JAKMIP3: variants seen among roughly 807,000 people sequenced by gnomAD.
The protein encoded by JAKMIP3 is janus kinase and microtubule-interacting protein 3.
A neutral mutation model predicts 118.5 loss-of-function variants in JAKMIP3; 58 were observed. The observed-to-expected ratio is 0.49, with a 90% confidence interval of 0.40 to 0.61. JAKMIP3 has a LOEUF of 0.61. Among genes scored for constraint, JAKMIP3 ranks in the 20% least tolerant of loss-of-function variants. The probability of loss-of-function intolerance (pLI) is 0.00; values close to 1 mark genes in which losing one functional copy is unlikely to be tolerated. For synonymous variants in JAKMIP3, 486 were observed against 451.2 expected (o/e 1.08, Z -0.98); for missense variants, 950 against 1,109.0 (o/e 0.86, Z 2.04).
chr10:132,115,656 A>G (rs2047533845), intron 2 of JAKMIP3, among the ~76,000 whole-genome samples: 1 of 152,250 alleles, frequency 6.6e-6, no homozygotes, highest in Admixed American at 6.5e-5. Flanking sequence ...GTCTCCAAAG[A>G]GGACCCCAAA....
At chr10:132,109,186 C>T (rs2046459536) in intron 2 of JAKMIP3, among the ~76,000 whole-genome samples, 1 of 151,818 alleles carries the variant, frequency 6.6e-6, no homozygotes, top group Admixed American at 6.6e-5. Context: ...CATGGTGGCA[C>T]TCACCTGTAG....
At chr10:132,084,916 T>C (rs2042193988) in intron 1 of JAKMIP3, among the ~76,000 whole-genome samples, 1 of 152,242 alleles carries the variant, frequency 6.6e-6, no homozygotes, top group Non-Finnish European at 1.5e-5. Flanking sequence ...GCATTCCTGG[T>C]TTGAAACTTA....
upstream of JAKMIP3, among the ~76,000 whole-genome samples, chr10:132,064,959 G>A (rs1005483152): frequency 1.1e-4 from 16 of 152,288 alleles, no homozygotes; most frequent in East Asian, 1.5e-3. This position sits in a 1 kb window ranked among gnomAD's most constrained non-coding sequence, Gnocchi z 4.4. Flanking sequence ...GGGTGCAGGC[G>A]AGGGAACTGA....
intron 2 of JAKMIP3, among the ~76,000 whole-genome samples, chr10:132,115,158 A>C (rs756862165): frequency 6.6e-6 from 1 of 152,144 alleles, no homozygotes; most frequent in Non-Finnish European, 1.5e-5. Context: ...TGTTCATACT[A>C]CACAGCTCTG....
At chr10:132,052,417 T>C (rs947620499) in intron 1 of JAKMIP3, among the ~76,000 whole-genome samples, 2 of 152,220 alleles carry the variant, frequency 1.3e-5, no homozygotes, top group Non-Finnish European at 2.9e-5. Flanking sequence ...TTTTGACTTA[T>C]TTTGAATCTT....
At chr10:132,062,222 G>C (rs1323097529), upstream of JAKMIP3, among the ~76,000 whole-genome samples, 2 of 152,234 alleles carry the variant, frequency 1.3e-5, no homozygotes, top group Non-Finnish European at 2.9e-5. Flanking sequence ...AATCCTCTCT[G>C]CCCCTCAGAC....
chr10:132,089,102 T>C (rs1238140734), intron 1 of JAKMIP3, among the ~76,000 whole-genome samples: 2 of 152,202 alleles, frequency 1.3e-5, no homozygotes, highest in Admixed American at 1.3e-4. Context: ...GCTGTTTTGG[T>C]TACTCTAGCC....
rs187830384 is a variant in JAKMIP3, at chr10:132,117,049, C to T, written c.136-28C>T. 4.2e-5 allele frequency: 67 copies of T among 1,581,538 alleles called. No homozygotes were observed. The African/African-American group carries it at 5.5e-4, about 13-fold the overall frequency. On this transcript the variant is annotated intron_variant, in intron 2 of 23. Transcript: ENST00000684848. This position sits in a 1 kb window ranked among gnomAD's most constrained non-coding sequence, Gnocchi z 8.6. ...GTGTGTGCATGGCTGGAGCTCCTGC[C>T]ACACTCAGTCTCGCTGTTGTCTTTC...
rs566627946 is a variant in JAKMIP3, at chr10:132,118,105, G to A, written c.633+531G>A. On this transcript the variant is annotated intron_variant, in intron 3 of 23. Transcript: ENST00000684848. The surrounding 1 kb of genome is among the most constrained non-coding windows in gnomAD (Gnocchi z 4.8). Reference sequence around the variant, plus strand: ...ATCAGGAGGCCCCGGGGGGTGGGATGGCCCCCAGCTGCCCTGAGGTCCCTG... The same window carrying A: ...ATCAGGAGGCCCCGGGGGGTGGGATAGCCCCCAGCTGCCCTGAGGTCCCTG... 2.6e-5 allele frequency among the ~76,000 whole-genome samples: 4 copies of A among 152,260 alleles called. No individual in the cohort carries two copies. Among genetic ancestry groups the A allele is most frequent in the African/African-American group, 9.6e-5 (4 of 41,550 alleles).
At chr10:132,074,116 A>G (rs1426125808) in intron 1 of JAKMIP3, among the ~76,000 whole-genome samples, 2 of 152,158 alleles carry the variant, frequency 1.3e-5, no homozygotes, top group African/African-American at 4.8e-5. Flanking sequence ...CAGTGGCACA[A>G]TCTCGGCTCA....
At chr10:132,071,465 A>C (rs1340864128) in intron 1 of JAKMIP3, among the ~76,000 whole-genome samples, 1 of 152,108 alleles carries the variant, frequency 6.6e-6, no homozygotes, top group South Asian at 2.1e-4. Context: ...TGTCCTTACA[A>C]ATTTTCTCTT....
In JAKMIP3 at chr10:132,141,968, G is replaced by A; in HGVS notation, c.1522G>A (p.Glu508Lys). ...TELRFRQLTM[E>K]YQALQRAYAL... ...GCTGAGGTTCCGGCAGCTGACCATG[G>A]AGTACCAGGCCCTGCAGCGTGCCTA... Residue 508 changes from glutamate (E) to lysine (K), a missense_variant, in exon 11 of 24, where the codon GAG becomes AAG. Coordinates refer to ENST00000684848, the MANE Select transcript of JAKMIP3 (RefSeq NM_001323087.2). 6.2e-7 allele frequency: 1 copy of A among 1,600,022 alleles called. No homozygotes were observed. The highest frequency in any genetic ancestry group is 8.5e-7 in the Non-Finnish European group (1 of 1,173,704).
intron 19 of JAKMIP3, among the ~76,000 whole-genome samples, chr10:132,161,859 G>T (rs1290715750): frequency 1.2e-5 from 1 of 86,508 alleles, no homozygotes; most frequent in Non-Finnish European, 2.5e-5. Flanking sequence ...TTTCTTGGGT[G>T]ATGCTGGGGG....
At chr10:132,149,663 CGCCCCACCCCCTCCCT>C (rs1395787978) in intron 15 of JAKMIP3, among the ~76,000 whole-genome samples, 153 bp downstream of exon 15, 2 of 12,602 alleles carry the variant, frequency 1.6e-4, no homozygotes, top group African/African-American at 6.3e-4. Context: ...TCTCCACCCC[CGCCCCACCCCCTCCCT>C]GCCCCACCTC....
At chr10:132,055,399 C>T (rs1399660628) in intron 1 of JAKMIP3, among the ~76,000 whole-genome samples, 3 of 152,112 alleles carry the variant, frequency 2.0e-5, no homozygotes, top group African/African-American at 4.8e-5. Context: ...TACTTGGTCT[C>T]GAAAACAGTG....
At chr10:132,127,218 ACTTTT>A (rs2049739746) in intron 3 of JAKMIP3, among the ~76,000 whole-genome samples, 3 of 143,514 alleles carry the variant, frequency 2.1e-5, no homozygotes, top group Admixed American at 7.0e-5. Flanking sequence ...TTGACATTAG[ACTTTT>A]CTTTTTTTTT....
chr10:132,147,155 C>T (rs2054777790), intron 13 of JAKMIP3, among the ~76,000 whole-genome samples: 1 of 152,228 alleles, frequency 6.6e-6, no homozygotes, highest in African/African-American at 2.4e-5. Flanking sequence ...CACTGTGCAG[C>T]AGTACACAGC....
chr10:132,063,099 T>TG (rs537248057), upstream of JAKMIP3, among the ~76,000 whole-genome samples: 376 of 152,182 alleles, frequency 2.5e-3, 2 homozygotes, highest in Non-Finnish European at 4.6e-3. Context: ...GCCCTGGATT[T>TG]GGGTGTGATC....
At chr10:132,066,676 CT>C (rs1291917871) in intron 1 of JAKMIP3, among the ~76,000 whole-genome samples, 1 of 152,196 alleles carries the variant, frequency 6.6e-6, no homozygotes. Flanking sequence ...GATATAACTT[CT>C]TATGCAAGGA....
Sources: allele counts gnomAD v4.1 joint callset (sites outside exome capture counted in the v4.1 genomes callset), GRCh38; gene constraint gnomAD v4.1.1; non-coding constraint Gnocchi (gnomAD v3.1); transcripts MANE v1.5; gene names NCBI Gene and HGNC (gene_info 2026-07-23, HGNC 2026-07-21).